Variants in PPARD observed in about 807,000 individuals in gnomAD.
PPARD encodes peroxisome proliferator activated receptor delta, also known as peroxisome proliferator-activated receptor delta.
A neutral mutation model predicts 39.5 loss-of-function variants in PPARD; 6 were observed. The ratio of observed to expected loss-of-function variants is 0.15; its 90% confidence interval spans 0.08 to 0.30. The LOEUF (loss-of-function observed/expected upper bound fraction) is 0.30. Ranked by LOEUF, PPARD falls within the 10% of genes least tolerant of loss-of-function variation. PPARD has a pLI of 1.00. For missense variants in PPARD, 397 were observed against 596.8 expected (o/e 0.67, Z 3.49); for synonymous variants, 210 against 231.3 (o/e 0.91, Z 0.83).
At chr6:35,415,778 C>CTGTGTGTGTGTGTG (rs369825175) in intron 3 of PPARD, among the ~76,000 whole-genome samples, 64 of 143,856 alleles carry the variant, frequency 4.4e-4, no homozygotes, top group African/African-American at 1.6e-3. Flanking sequence ...GAAGGAGAAC[C>CTGTGTGTGTGTGTG]TGTGTGTGTG....
At chr6:35,406,347 T>TG (rs1457445526) in intron 2 of PPARD, among the ~76,000 whole-genome samples, 2 of 152,064 alleles carry the variant, frequency 1.3e-5, no homozygotes, top group Non-Finnish European at 2.9e-5. Context: ...CTAGGTCCAG[T>TG]GGGTCAGGGG....
Position 35,425,134 on chromosome 6 carries a change from TGTG to T in PPARD, c.1078+360_1078+362del, listed in dbSNP as rs1355860405. The T allele has an allele frequency of 8.9e-6, 7 of 787,490 alleles. No homozygotes were observed. Among genetic ancestry groups the T allele is most frequent in the Non-Finnish European group, 1.1e-5 (7 of 624,474 alleles). The allele number at this position is 787,490 out of a possible 1,614,324, so 48.8% of individuals were successfully genotyped here. On this transcript the variant is annotated intron_variant, in intron 7 of 7. Coordinates refer to ENST00000360694, the MANE Select transcript of PPARD (RefSeq NM_006238.5). This position sits in a 1 kb window ranked among gnomAD's most constrained non-coding sequence, Gnocchi z 4.5. Reference sequence around the variant, plus strand: ...CTAAAAATACAAAAAATTAGCCAGATGTGGTGGCACGCGCCTGTAATCCCAGCT... The same window carrying T: ...CTAAAAATACAAAAAATTAGCCAGATGTGGCACGCGCCTGTAATCCCAGCT...
intron 2 of PPARD, among the ~76,000 whole-genome samples, chr6:35,384,649 G>A (rs1763464497): frequency 2.7e-5 from 2 of 73,342 alleles, no homozygotes; most frequent in Admixed American, 1.1e-4. Context: ...CGCCCCGTCC[G>A]GGAGGGAGGT....
chr6:35,371,611 G>C (rs1277735427), intron 2 of PPARD, among the ~76,000 whole-genome samples: 1 of 152,090 alleles, frequency 6.6e-6, no homozygotes, highest in Non-Finnish European at 1.5e-5. Context: ...GCCATGCACA[G>C]GTCGTTCCTC....
chr6:35,399,289 A>G (rs773520897), intron 2 of PPARD, among the ~76,000 whole-genome samples: 4 of 148,768 alleles, frequency 2.7e-5, no homozygotes, highest in Non-Finnish European at 5.9e-5. Flanking sequence ...AATCCCAGCT[A>G]CTCTGGAGGC....
chr6:35,363,819 AT>A lies in PPARD; in HGVS notation c.-102+16674del, dbSNP rs1762047501. On this transcript the variant is annotated intron_variant, in intron 2 of 7. Coordinates refer to ENST00000360694, the MANE Select transcript of PPARD (RefSeq NM_006238.5). This position sits in a 1 kb window ranked among gnomAD's most constrained non-coding sequence, Gnocchi z 4.5. ...GTTTATTTTATTTTATATTCTACAT[AT>A]TTTTATAGCATAAAATTAAGATATA... 6.6e-6 allele frequency among the ~76,000 whole-genome samples: 1 copy of A among 152,066 alleles called. No homozygotes were observed. Among genetic ancestry groups the A allele is most frequent in the African/African-American group, 2.4e-5 (1 of 41,394 alleles).
chr6:35,420,756 T>C (rs1455820193), intron 4 of PPARD, among the ~76,000 whole-genome samples: 1 of 148,970 alleles, frequency 6.7e-6, no homozygotes, highest in Non-Finnish European at 1.5e-5. Flanking sequence ...CAGAACCAGA[T>C]ACATTTATGA....
chr6:35,424,909 C>T lies in PPARD; in HGVS notation c.1078+130C>T, dbSNP rs1766470162. On this transcript the variant is annotated intron_variant, in intron 7 of 7. Coordinates refer to ENST00000360694, the MANE Select transcript of PPARD (RefSeq NM_006238.5). The surrounding 1 kb of genome is among the most constrained non-coding windows in gnomAD (Gnocchi z 7.1). Reference sequence around the variant, plus strand: ...TGTCCCTGTGATCTTGGCAGTGGAACATGCAAGGCACTGACTGAGCATGCA... The same window carrying T: ...TGTCCCTGTGATCTTGGCAGTGGAATATGCAAGGCACTGACTGAGCATGCA... 2 of 1,459,834 alleles carry T rather than the reference C, an allele frequency of 1.4e-6. No homozygotes were observed. Among genetic ancestry groups the T allele is most frequent in the Non-Finnish European group, 1.8e-6 (2 of 1,109,310 alleles). 90.4% of individuals were successfully genotyped at this position (1,459,834 alleles called of 1,614,324 possible).
chr6:35,388,904 G>A (rs1763839675), intron 2 of PPARD, among the ~76,000 whole-genome samples: 1 of 152,148 alleles, frequency 6.6e-6, no homozygotes, highest in African/African-American at 2.4e-5. Context: ...CACTGTAGAG[G>A]GCCACAAGGC....
intron 4 of PPARD, among the ~76,000 whole-genome samples, chr6:35,420,819 C>CAT (rs1766102510): frequency 1.2e-5 from 1 of 85,708 alleles, no homozygotes; most frequent in African/African-American, 4.2e-5. Context: ...AACAAAGAAG[C>CAT]TTTTTTTTTT....
At chr6:35,356,423 T>G (rs895713941) in intron 2 of PPARD, among the ~76,000 whole-genome samples, 6 of 152,174 alleles carry the variant, frequency 3.9e-5, no homozygotes, top group African/African-American at 1.2e-4. Context: ...AATCCAGAGC[T>G]CTCTACTCAT....
At chr6:35,354,607 G>A (rs1035206172) in intron 2 of PPARD, among the ~76,000 whole-genome samples, 26 of 151,934 alleles carry the variant, frequency 1.7e-4, no homozygotes, top group Admixed American at 7.2e-4. Flanking sequence ...GTTCTCATAC[G>A]ACCATTCTGT....
Position 35,355,102 on chromosome 6 carries a change from T to C in PPARD, c.-102+7952T>C, listed in dbSNP as rs538830399. 3.9e-5 allele frequency among the ~76,000 whole-genome samples: 6 copies of C among 152,228 alleles called. No homozygotes were observed. In the South Asian group the frequency reaches 1.0e-3, roughly 26 times the overall value. On this transcript the variant is annotated intron_variant, in intron 2 of 7. Coordinates refer to ENST00000360694, the MANE Select transcript of PPARD (RefSeq NM_006238.5). ...CAGCCCAGATTTACAGGCTTGGGCA[T>C]AGGGAGCCCAGCCTCAGCCTGGGAG...
intron 2 of PPARD, among the ~76,000 whole-genome samples, chr6:35,351,182 C>T (rs1005390728): frequency 6.6e-5 from 10 of 151,804 alleles, no homozygotes; most frequent in Non-Finnish European, 5.9e-5. Context: ...CCCGCCACCA[C>T]GCCCAGCTAA....
intron 2 of PPARD, among the ~76,000 whole-genome samples, chr6:35,402,920 G>A (rs967194935): frequency 1.2e-4 from 18 of 152,302 alleles, no homozygotes; most frequent in African/African-American, 4.3e-4. Flanking sequence ...CACCTGCCAC[G>A]GAGACGGGGC....
intron 3 of PPARD, among the ~76,000 whole-genome samples, chr6:35,411,529 A>C (rs760077031): frequency 2.0e-4 from 30 of 152,204 alleles, no homozygotes; most frequent in Non-Finnish European, 3.4e-4. Context: ...CATTATTAGT[A>C]TTCCCACCAC....
chr6:35,359,210 G>A (rs1187888313), intron 2 of PPARD, among the ~76,000 whole-genome samples: 1 of 152,196 alleles, frequency 6.6e-6, no homozygotes, highest in Non-Finnish European at 1.5e-5. Context: ...AGTTAGAGAC[G>A]AGATTGGTGG....
intron 3 of PPARD, among the ~76,000 whole-genome samples, chr6:35,416,180 AAGACCAGCCCAG>A (rs1310116580): frequency 1.8e-4 from 27 of 151,680 alleles, no homozygotes; most frequent in Admixed American, 5.9e-4. Context: ...TCAGGAATTC[AAGACCAGCCCAG>A]CCAACATGGT....
At chr6:35,392,109 G>A (rs144109420) in intron 2 of PPARD, among the ~76,000 whole-genome samples, 1 of 152,134 alleles carries the variant, frequency 6.6e-6, no homozygotes, top group African/African-American at 2.4e-5. Context: ...GCCAATTTGG[G>A]GAACCCTGGC....
Sources: gnomAD v4.1 joint callset for allele counts (sites outside exome capture counted in the v4.1 genomes callset) on GRCh38, gnomAD v4.1.1 for gene constraint, Gnocchi (gnomAD v3.1) non-coding constraint, MANE v1.5 for transcripts, NCBI Gene and HGNC (gene_info 2026-07-23, HGNC 2026-07-21) for gene names.